MTCL2: variants seen among roughly 807,000 people sequenced by gnomAD.
MTCL2 encodes the protein microtubule cross-linking factor 2.
chr20:36,785,893 C>G, the MTCL2 span: 1 of 986,132 alleles, frequency 1.0e-6, no homozygotes, highest in African/African-American at 1.7e-5. Flanking sequence ...GGCTACTGCC[C>G]TATCATACTC....
At chr20:36,828,887 G>T in the MTCL2 span, 2 of 696,376 alleles carry the variant, frequency 2.9e-6, no homozygotes, top group South Asian at 3.9e-5. Flanking sequence ...TACACAGTAG[G>T]TGCTCAGGAA....
the MTCL2 span, chr20:36,862,632 C>T: frequency 2.4e-5 from 36 of 1,484,476 alleles, no homozygotes; most frequent in Middle Eastern, 6.8e-4. Flanking sequence ...CCCCTGCGAC[C>T]TCCCTTTCTA....
the MTCL2 span, chr20:36,862,620 GAC>G: frequency 6.8e-7 from 1 of 1,466,370 alleles, no homozygotes; most frequent in Non-Finnish European, 9.0e-7. Flanking sequence ...GACAGCCGGC[GAC>G]CCCTGCGACC....
chr20:36,816,174 T>C, the MTCL2 span: 30 of 1,613,504 alleles, frequency 1.9e-5, no homozygotes, highest in Non-Finnish European at 2.5e-5. Flanking sequence ...CAGGTCCCCA[T>C]AGAGCGAGCG....
chr20:36,812,618 A>G, the MTCL2 span: 1 of 1,518,720 alleles, frequency 6.6e-7, no homozygotes, highest in South Asian at 1.2e-5. Flanking sequence ...CTCACCAGCT[A>G]AGTGATATAT....
chr20:36,793,779 A>C, the MTCL2 span: 2 of 1,541,112 alleles, frequency 1.3e-6, no homozygotes, highest in Non-Finnish European at 1.7e-6. This position sits in a 1 kb window ranked among gnomAD's most constrained non-coding sequence, Gnocchi z 6.8. Context: ...TTGGGGGAGC[A>C]GCAGGGCCGC....
At chr20:36,839,120 G>T in the MTCL2 span, 1 of 1,152,136 alleles carries the variant, frequency 8.7e-7, no homozygotes, top group Non-Finnish European at 1.2e-6. The surrounding 1 kb of genome is among the most constrained non-coding windows in gnomAD (Gnocchi z 5.1). Flanking sequence ...GTAGAACTTG[G>T]CCATGGACAC....
At chr20:36,803,891 A>T in the MTCL2 span, among the ~76,000 whole-genome samples, 1 of 133,516 alleles carries the variant, frequency 7.5e-6, no homozygotes, top group Non-Finnish European at 1.5e-5. Flanking sequence ...CGGGAGGCGG[A>T]GGTTGCAGTG....
the MTCL2 span, among the ~76,000 whole-genome samples, chr20:36,842,514 G>T: frequency 4.6e-5 from 7 of 152,240 alleles, no homozygotes; most frequent in African/African-American, 1.7e-4. Flanking sequence ...GCTCACGCCT[G>T]TAATCCCAGC....
At chr20:36,810,062 G>A in the MTCL2 span, 16 of 1,599,026 alleles carry the variant, frequency 1.0e-5, no homozygotes, top group African/African-American at 2.7e-5. Context: ...TGCAAGCCCC[G>A]GAGGCTGTCG....
At chr20:36,794,722 T>C in the MTCL2 span, 19 of 1,285,986 alleles carry the variant, frequency 1.5e-5, no homozygotes, top group Admixed American at 1.9e-4. The surrounding 1 kb of genome is among the most constrained non-coding windows in gnomAD (Gnocchi z 5.4). Context: ...TGTTCACCTC[T>C]TGTAGAGATG....
the MTCL2 span, among the ~76,000 whole-genome samples, chr20:36,822,336 C>G: frequency 6.6e-6 from 1 of 152,268 alleles, no homozygotes; most frequent in Non-Finnish European, 1.5e-5. Context: ...GCCTAGGCCC[C>G]AGCAGGAATG....
At chr20:36,806,866 C>G in the MTCL2 span, among the ~76,000 whole-genome samples, 1 of 152,128 alleles carries the variant, frequency 6.6e-6, no homozygotes, top group African/African-American at 2.4e-5. Flanking sequence ...AAGTAAGTTT[C>G]TCTCTCTTTT....
At chr20:36,832,204 G>GAGGC in the MTCL2 span, among the ~76,000 whole-genome samples, 1 of 152,216 alleles carries the variant, frequency 6.6e-6, no homozygotes, top group African/African-American at 2.4e-5. Context: ...CAGGGCTGAA[G>GAGGC]AGGCTGCCCT....
At chr20:36,808,628 T>C in the MTCL2 span, 3 of 1,612,414 alleles carry the variant, frequency 1.9e-6, no homozygotes, top group East Asian at 4.5e-5. Context: ...CTGGGACTCC[T>C]GCACCAGCAT....
chr20:36,859,724 T>A, the MTCL2 span: 1 of 1,231,568 alleles, frequency 8.1e-7, no homozygotes, highest in Middle Eastern at 3.1e-4. Flanking sequence ...AAGGGGGAGG[T>A]AAGCCTGAGC....
At chr20:36,847,475 T>C in the MTCL2 span, among the ~76,000 whole-genome samples, 1 of 152,144 alleles carries the variant, frequency 6.6e-6, no homozygotes, top group Non-Finnish European at 1.5e-5. Context: ...GGCTGGTTTG[T>C]GTCTAGTCCT....
At chr20:36,794,823 C>A in the MTCL2 span, 1 of 595,448 alleles carries the variant, frequency 1.7e-6, no homozygotes, top group Non-Finnish European at 3.0e-6. This position sits in a 1 kb window ranked among gnomAD's most constrained non-coding sequence, Gnocchi z 5.4. Flanking sequence ...GGCTGGAATG[C>A]AGTAGTGCAA....
chr20:36,780,582 C>G, the MTCL2 span: 1 of 152,162 alleles, frequency 6.6e-6, no homozygotes, highest in Non-Finnish European at 1.5e-5. Flanking sequence ...CACTGAAAGG[C>G]TGGGCTGGGG....
Sources: allele counts gnomAD v4.1 joint callset (sites outside exome capture counted in the v4.1 genomes callset), GRCh38; gene constraint gnomAD v4.1.1; non-coding constraint Gnocchi (gnomAD v3.1); transcripts MANE v1.5; gene names NCBI Gene and HGNC (gene_info 2026-07-23, HGNC 2026-07-21).